The following RHEX variants were observed in gnomAD, a reference collection of about 807,000 sequenced individuals.
RHEX encodes the protein regulator of hemoglobinization and erythroid cell expansion.
A neutral mutation model predicts 20.1 loss-of-function variants in RHEX; 18 were observed. The observed-to-expected ratio is 0.90, with a 90% CI of 0.62 to 1.33. RHEX has a LOEUF of 1.33. Ranked by LOEUF, RHEX falls within the 40% of genes most tolerant of loss-of-function variation. The pLI, the probability that RHEX is intolerant of heterozygous loss-of-function variation, is 0.00. For synonymous variants in RHEX, 87 were observed against 77.1 expected, an observed-to-expected ratio of 1.13 and a Z score of -0.67; for missense variants, 192 against 214.3, an observed-to-expected ratio of 0.90 and a Z score of 0.65.
intron 1 of RHEX, among the ~76,000 whole-genome samples, chr1:206,073,353 A>G (rs1368275360): frequency 2.6e-5 from 4 of 152,330 alleles, no homozygotes; most frequent in Non-Finnish European, 4.4e-5. Context: ...TGGGCATATC[A>G]TAGCAACAAT....
chr1:206,079,464 T>G (rs1662696726), intron 1 of RHEX, among the ~76,000 whole-genome samples: 1 of 152,220 alleles, frequency 6.6e-6, no homozygotes, highest in Non-Finnish European at 1.5e-5. Context: ...AAGGTACCCA[T>G]CACAGTGTAG....
Position 206,067,886 on chromosome 1 carries a change from C to T in RHEX, c.-97+14621C>T, listed in dbSNP as rs1456338407. Among the ~76,000 whole-genome samples the T allele has an allele frequency of 6.6e-6, 1 of 152,302 alleles. No homozygotes were observed. The highest frequency in any genetic ancestry group is 1.9e-4 in the East Asian group (1 of 5,188). On this transcript the variant is annotated intron_variant, in intron 1 of 5. Transcript: ENST00000331555. The surrounding 1 kb of genome is among the most constrained non-coding windows in gnomAD (Gnocchi z 4.6). The stretch of plus-strand genomic sequence containing the variant: ...TTACCATCTGTGACGCCAGCCCCAG[C>T]CAGTTGCACCTGCAACAGATGACAG...
intron 4 of RHEX, 24 bp downstream of exon 4, chr1:206,099,822 A>G (rs1553288181): frequency 1.2e-6 from 2 of 1,611,368 alleles, no homozygotes; most frequent in Non-Finnish European, 1.7e-6. Context: ...TGGAGGGAGA[A>G]CTTGTCTAGG....
intron 1 of RHEX, among the ~76,000 whole-genome samples, chr1:206,076,547 C>T (rs1328559192): frequency 2.0e-5 from 3 of 152,212 alleles, no homozygotes; most frequent in Non-Finnish European, 4.4e-5. Context: ...GACTGGATGA[C>T]AACTGCAAGA....
chr1:206,083,543 G>A (rs1662778206), intron 1 of RHEX: 1 of 985,310 alleles, frequency 1.0e-6, no homozygotes, highest in Admixed American at 6.1e-5. Flanking sequence ...CTGACCTCCA[G>A]TGACACAGAA....
rs1393380668 is a variant in RHEX, at chr1:206,102,244, T to C, written c.*292T>C. The C allele has an allele frequency of 2.3e-6, 1 of 432,408 alleles. No homozygotes were observed. Among genetic ancestry groups the C allele is most frequent in the Non-Finnish European group, 4.2e-6 (1 of 237,584 alleles). The allele number at this position is 432,408 out of a possible 1,614,324, so 26.8% of individuals were successfully genotyped here. A position where few individuals can be genotyped will look rare whatever the true frequency, so the allele number is the denominator to read the frequency against. On this transcript the variant is annotated 3_prime_UTR_variant, in exon 6 of 6. Coordinates refer to ENST00000331555, the MANE Select transcript of RHEX (RefSeq NM_001007544.4). ...GTTGAGATCAGATGTTAGGAAGAAC[T>C]TTCAGGTAAAGTATGAGAACTATGG...
At position 206,097,802 on chromosome 1, in the gene RHEX, C is replaced by A. The variant is rs782341931; in HGVS notation, c.-27C>A. 5 of 1,613,938 alleles carry A rather than the reference C, an allele frequency of 3.1e-6. 1 individual carries two copies. In the South Asian group the frequency reaches 5.5e-5, roughly 18 times the overall value. ...AGGGTGGTTCCTGAAAGTGCCTGAG[C>A]CCCAACTTATCAGCAAGGAGCTCAT... is the stretch of plus-strand genomic sequence containing the variant. On this transcript the variant is annotated 5_prime_UTR_variant, in exon 2 of 6. Coordinates refer to ENST00000331555, the MANE Select transcript of RHEX (RefSeq NM_001007544.4).
intron 1 of RHEX, among the ~76,000 whole-genome samples, chr1:206,059,615 TA>T (rs66674058): frequency 0.033 from 4,989 of 152,208 alleles, 245 homozygotes; most frequent in African/African-American, 0.11. Context: ...TGAATGCAGA[TA>T]AAGAGAGCTT....
At chr1:206,074,693 C>T (rs946662806) in intron 1 of RHEX, among the ~76,000 whole-genome samples, 1 of 152,210 alleles carries the variant, frequency 6.6e-6, no homozygotes, top group Non-Finnish European at 1.5e-5. Context: ...TACCCCTACT[C>T]TGAAAATCTG....
At chr1:206,073,318 A>G (rs1662569659) in intron 1 of RHEX, among the ~76,000 whole-genome samples, 1 of 152,178 alleles carries the variant, frequency 6.6e-6, no homozygotes, top group Non-Finnish European at 1.5e-5. Flanking sequence ...ACAGGTGCAT[A>G]CATCTGTTTC....
chr1:206,072,141 A>T (rs1553284727), intron 1 of RHEX, among the ~76,000 whole-genome samples: 1 of 152,212 alleles, frequency 6.6e-6, no homozygotes, highest in East Asian at 1.9e-4. Flanking sequence ...TGATCTAGGT[A>T]GGAATTTAAA....
At chr1:206,090,376 T>A (rs1553286903) in intron 1 of RHEX, among the ~76,000 whole-genome samples, 1 of 151,984 alleles carries the variant, frequency 6.6e-6, no homozygotes, top group Non-Finnish European at 1.5e-5. Flanking sequence ...CAGCTAATTT[T>A]TGTATTGTTT....
intron 1 of RHEX, among the ~76,000 whole-genome samples, chr1:206,055,559 G>A (rs990607297): frequency 7.9e-5 from 12 of 152,202 alleles, no homozygotes; most frequent in African/African-American, 2.7e-4. Flanking sequence ...AGATGCAATC[G>A]AAGCCCCGCA....
chr1:206,095,310 G>A lies in RHEX; in HGVS notation c.-96-2423G>A, dbSNP rs76935895. Reference sequence around the variant, plus strand: ...AAAAATTAGGTGTCAAATGTGGCCTGTGGATCGCCTGGTTGGAGCCTTTTA... The same window carrying A: ...AAAAATTAGGTGTCAAATGTGGCCTATGGATCGCCTGGTTGGAGCCTTTTA... On this transcript the variant is annotated intron_variant, in intron 1 of 5. Coordinates refer to ENST00000331555, the MANE Select transcript of RHEX (RefSeq NM_001007544.4). Among the ~76,000 whole-genome samples the A allele has an allele frequency of 6.0e-3, 915 of 152,292 alleles. 47 individuals are homozygous for A. In the East Asian group the frequency reaches 0.12, roughly 19 times the overall value.
chr1:206,064,160 C>A (rs1222285249), intron 1 of RHEX, among the ~76,000 whole-genome samples: 1 of 148,950 alleles, frequency 6.7e-6, no homozygotes, highest in Non-Finnish European at 1.5e-5. Context: ...GCCCGGCAGC[C>A]GCCCCGTCTG....
intron 1 of RHEX, among the ~76,000 whole-genome samples, chr1:206,064,004 C>T (rs1249170500): frequency 4.6e-5 from 7 of 150,552 alleles, no homozygotes; most frequent in African/African-American, 1.5e-4. Flanking sequence ...TCTGCCCGGC[C>T]GCCCATCGTC....
chr1:206,101,065 C>A, intron 4 of RHEX, 71 bp from the exon 5 acceptor site: 1 of 1,204,926 alleles, frequency 8.3e-7, no homozygotes, highest in Non-Finnish European at 1.2e-6. Context: ...ATTCTCCCTT[C>A]CATTGTCTCT....
chr1:206,099,671 G>C lies in RHEX; in HGVS notation c.129G>C (p.Gln43His). Residue 43 changes from glutamine (Q) to histidine (H), a missense_variant, in exon 4 of 6, where the codon CAG (glutamine) becomes CAC (histidine). Transcript: ENST00000331555. ...CCCTTCCAGCCCACAAGAGTGAACA[G>C]ATACTGAAAGCGGCCAGTCTCCAGG... ...LSRHMAHKSEQILKAASLQVP... is the reference protein window; with the variant it reads ...LSRHMAHKSEHILKAASLQVP... 1 of 1,614,072 alleles carries C rather than the reference G, an allele frequency of 6.2e-7. No homozygotes were observed. The highest frequency in any genetic ancestry group is 1.1e-5 in the South Asian group (1 of 91,076).
chr1:206,079,697 A>G, intron 1 of RHEX, among the ~76,000 whole-genome samples: 1 of 152,164 alleles, frequency 6.6e-6, no homozygotes, highest in African/African-American at 2.4e-5. Flanking sequence ...CTGGGATTAC[A>G]GGTGTGTGCT....
Sources: gnomAD v4.1 joint callset for allele counts (sites outside exome capture counted in the v4.1 genomes callset) on GRCh38, gnomAD v4.1.1 for gene constraint, Gnocchi (gnomAD v3.1) non-coding constraint, MANE v1.5 for transcripts, NCBI Gene and HGNC (gene_info 2026-07-23, HGNC 2026-07-21) for gene names.